Variants in KCTD19 observed in about 807,000 individuals in gnomAD.
KCTD19 encodes BTB/POZ domain-containing protein KCTD19.
A neutral mutation model predicts 103.5 loss-of-function variants in KCTD19; 67 were observed. The ratio of observed to expected loss-of-function variants is 0.65; its 90% CI spans 0.53 to 0.79. KCTD19 has a LOEUF of 0.79. Among genes scored for constraint, KCTD19 ranks in the 30% least tolerant of loss-of-function variants. The probability of loss-of-function intolerance (pLI) is 0.00; values close to 1 mark genes in which losing one functional copy is unlikely to be tolerated. For missense variants in KCTD19, 980 were observed against 1,136.1 expected, an observed-to-expected ratio of 0.86 and a Z score of 1.98; for synonymous variants, 439 against 452.2, an observed-to-expected ratio of 0.97 and a Z score of 0.37.
In KCTD19 at chr16:67,326,600, G is replaced by C; in HGVS notation, c.3+105C>G. On this transcript the variant is annotated intron_variant, in intron 1 of 15. Transcript: ENST00000304372. ...CTGGGGGCCCCTCGCTCTCTCCCATGCCCCAGAGCCAGGTCTCGAACCACT... is the reference window on the plus strand; with the variant it reads ...CTGGGGGCCCCTCGCTCTCTCCCATCCCCCAGAGCCAGGTCTCGAACCACT... 5 of 1,471,256 alleles carry C rather than the reference G, an allele frequency of 3.4e-6. No homozygotes were observed. In the East Asian group the frequency reaches 1.4e-4, roughly 41 times the overall value. The allele number at this position is 1,471,256 out of a possible 1,614,324, so 91.1% of individuals were successfully genotyped here.
At position 67,293,479 on chromosome 16, in the gene KCTD19, C is replaced by G; in HGVS notation, c.2218+65G>C. ...CTTTGTCACTAACTTGCTCTGCCAT[C>G]TTGGCCAAAGAGTTTGCCTTCTCTG... On this transcript the variant is annotated intron_variant, in intron 12 of 15. Transcript: ENST00000304372. The surrounding 1 kb of genome is among the most constrained non-coding windows in gnomAD (Gnocchi z 4.0). 6 of 1,552,688 alleles carry G rather than the reference C, an allele frequency of 3.9e-6. No individual in the cohort carries two copies. Among genetic ancestry groups the G allele is most frequent in the Non-Finnish European group, 5.2e-6 (6 of 1,144,510 alleles).
rs570644111 is a variant in KCTD19, at chr16:67,293,777, G to T, written c.1985C>A (p.Pro662His). 1.2e-6 allele frequency: 2 copies of T among 1,613,856 alleles called. No individual in the cohort carries two copies. The highest frequency in any genetic ancestry group is 1.7e-6 in the Non-Finnish European group (2 of 1,180,028). Residue 662 changes from proline (P) to histidine (H), a missense_variant, in exon 12 of 16, where the codon CCC becomes CAC. Pro to His is a moderately conservative substitution (Grantham distance 77, BLOSUM62 -2). Transcript: ENST00000304372. This position sits in a 1 kb window ranked among gnomAD's most constrained non-coding sequence, Gnocchi z 4.0. ...FQPLTATRSS[P>H]LEEATLQLPL... ...GAGCTGCAGGGTGGCCTCCTCCAAG[G>T]GGCTGCTCCGTGTGGCTGTCAGTGG...
chr16:67,294,032 C>T lies in KCTD19; in HGVS notation c.1730G>A (p.Arg577Gln), dbSNP rs769658974. The T allele has an allele frequency of 1.5e-5, 25 of 1,614,060 alleles. 1 individual carries two copies. Among genetic ancestry groups the T allele is most frequent in the Middle Eastern group, 1.6e-4 (1 of 6,084 alleles). Reference protein sequence around the residue: ...YTRPIQVSLCRNAKRAGNPST... With the variant: ...YTRPIQVSLCQNAKRAGNPST... ...AGGGTTGCCAGCCCTCTTGGCATTTCGGCATAGGGACACCTGGATGGGCCG... is the reference window on the plus strand; with the variant it reads ...AGGGTTGCCAGCCCTCTTGGCATTTTGGCATAGGGACACCTGGATGGGCCG... The change falls in exon 12 of 16, where the codon CGA (arginine) becomes CAA (glutamine). Residue 577 changes from arginine to glutamine, a missense_variant. Physicochemically the swap from Arg to Gln is conservative, Grantham distance 43 (BLOSUM62 1). Transcript: ENST00000304372.
intron 6 of KCTD19, among the ~76,000 whole-genome samples, chr16:67,297,988 CTT>C (rs369980197): frequency 5.2e-5 from 7 of 134,856 alleles, no homozygotes; most frequent in Admixed American, 7.5e-5. Context: ...GACGGGGTTT[CTT>C]TTTTTTTTTT....
At chr16:67,314,799 TTATATA>T (rs138495581) in intron 2 of KCTD19, among the ~76,000 whole-genome samples, 1,869 of 45,624 alleles carry the variant, frequency 0.041, 49 homozygotes, top group Middle Eastern at 0.075. Flanking sequence ...TCACTTAGCA[TTATATA>T]TATATATATA....
intron 14 of KCTD19, 151 bp from the exon 15 acceptor site, chr16:67,291,137 TC>T: frequency 8.5e-7 from 1 of 1,177,218 alleles, no homozygotes; most frequent in Non-Finnish European, 1.2e-6. Flanking sequence ...CGAGGCTCAG[TC>T]CAGGTGCAAC....
chr16:67,320,878 GA>G lies in KCTD19; in HGVS notation c.10del (p.Ser4LeufsTer16). On this transcript the variant is annotated frameshift_variant, in exon 2 of 16. Coordinates refer to ENST00000304372, the MANE Select transcript of KCTD19 (RefSeq NM_001100915.3). LOFTEE classifies it high-confidence loss of function. This position sits in a 1 kb window ranked among gnomAD's most constrained non-coding sequence, Gnocchi z 4.0. ...CTCTGCTGATTCATGAGCCATGCCA[GA>G]CTCCTCCTAAAGGGGGAATGAAAAA... Reference protein sequence around the residue: MEESGMAHESAEDL... With the variant: MEEXGMAHESAEDL... 1 of 1,611,230 alleles carries G rather than the reference GA, an allele frequency of 6.2e-7. No homozygotes were observed. The highest frequency in any genetic ancestry group is 8.5e-7 in the Non-Finnish European group (1 of 1,178,770).
rs1230445694 is a variant in KCTD19 at position 67,301,881 on chromosome 16, A to T, written c.685T>A (p.Phe229Ile). Residue 229 changes from phenylalanine (F) to isoleucine (I), a missense_variant, in exon 5 of 16, where the codon TTC (phenylalanine) becomes ATC (isoleucine). Transcript: ENST00000304372. ...GCTTCTAATACATCAATGTTGGAGA[A>T]ATTATCCGGTAGTAAAATCTTCTGT... ...RSQKILLPDN[F>I]SNIDVLEAEV... is the part of the protein sequence containing the mutation. 4 of 1,613,410 alleles carry T rather than the reference A, an allele frequency of 2.5e-6. No homozygotes were observed. In the East Asian group the frequency reaches 8.9e-5, roughly 36 times the overall value.
chr16:67,289,507 G>T lies in KCTD19; in HGVS notation c.*62C>A. 1 of 958,074 alleles carries T rather than the reference G, an allele frequency of 1.0e-6. No homozygotes were observed. The highest frequency in any genetic ancestry group is 1.7e-6 in the Non-Finnish European group (1 of 586,396). The allele number at this position is 958,074 out of a possible 1,614,324, so 59.3% of individuals were successfully genotyped here. A position where few individuals can be genotyped will look rare whatever the true frequency, so the allele number is the denominator to read the frequency against. ...CCTCTGATGGGCACATGCATTCTGG[G>T]CTATCTCCAATTAAAATGAGACTTG... On this transcript the variant is annotated 3_prime_UTR_variant, in exon 16 of 16. Coordinates refer to ENST00000304372, the MANE Select transcript of KCTD19 (RefSeq NM_001100915.3).
chr16:67,325,239 C>G (rs550986778), intron 1 of KCTD19, among the ~76,000 whole-genome samples: 2 of 134,754 alleles, frequency 1.5e-5, no homozygotes, highest in Admixed American at 1.5e-4. Context: ...GAGTCTCGCT[C>G]TCTAGCCCAG....
At chr16:67,318,261 C>A (rs1447590219) in intron 2 of KCTD19, among the ~76,000 whole-genome samples, 1 of 152,114 alleles carries the variant, frequency 6.6e-6, no homozygotes, top group Non-Finnish European at 1.5e-5. Context: ...GAGCAGCCCC[C>A]CATTTAGAAG....
chr16:67,291,756 G>T lies in KCTD19; in HGVS notation c.2300C>A (p.Pro767His), dbSNP rs754061988. The T allele has an allele frequency of 6.2e-7, 1 of 1,614,122 alleles. No homozygotes were observed. The highest frequency in any genetic ancestry group is 1.1e-5 in the South Asian group (1 of 91,082). Residue 767 changes from proline (P) to histidine (H), a missense_variant, in exon 13 of 16, where the codon CCC becomes CAC. Pro to His is a moderately conservative substitution (Grantham distance 77, BLOSUM62 -2). Coordinates refer to ENST00000304372, the MANE Select transcript of KCTD19 (RefSeq NM_001100915.3). ...LGVILKVTHP[P>H]VVGSDGFCMF... ...GCAGAAGCCATCGCTGCCCACCACG[G>T]GGGGGTGAGTCACTTTGAGGATAAC...
rs187248873 is a variant in KCTD19, at chr16:67,296,637, T to C, written c.1148-378A>G. Among the ~76,000 whole-genome samples the C allele has an allele frequency of 3.9e-5, 6 of 152,326 alleles. No individual in the cohort carries two copies. The East Asian group carries it at 1.2e-3, about 29-fold the overall frequency. The stretch of plus-strand genomic sequence containing the variant: ...TCTCTCTGTGTGTTTATGTTCGTGG[T>C]TTGGCAAATGTCATGGAGCCAACTC... On this transcript the variant is annotated intron_variant, in intron 7 of 15. Transcript: ENST00000304372.
At chr16:67,302,028 C>G in intron 4 of KCTD19, 106 bp from the exon 5 acceptor site, 1 of 1,039,868 alleles carries the variant, frequency 9.6e-7, no homozygotes, top group Non-Finnish European at 1.5e-6. Flanking sequence ...CCTAGGTTCT[C>G]CTTGTTCTGA....
chr16:67,296,140 CA>C lies in KCTD19; in HGVS notation c.1248+18del. ...TGGTGATGCCAGATGGGGAGCAGGG[CA>C]GCCGAGGCCGTCAGTACCTTCAGCA... On this transcript the variant is annotated intron_variant, in intron 8 of 15. Coordinates refer to ENST00000304372, the MANE Select transcript of KCTD19 (RefSeq NM_001100915.3). The C allele has an allele frequency of 6.7e-7, 1 of 1,486,276 alleles. No individual in the cohort carries two copies. Among genetic ancestry groups the C allele is most frequent in the Non-Finnish European group, 9.4e-7 (1 of 1,063,408 alleles). The allele number at this position is 1,486,276 out of a possible 1,614,324, so 92.1% of individuals were successfully genotyped here. A position where few individuals can be genotyped will look rare whatever the true frequency, so the allele number is the denominator to read the frequency against.
Position 67,294,656 on chromosome 16 carries a change from G to A in KCTD19, c.1514C>T (p.Ala505Val), listed in dbSNP as rs2036743798. The A allele has an allele frequency of 6.2e-7, 1 of 1,613,996 alleles. No individual in the cohort carries two copies. ...TQEKESENEE[A>V]FSIRRLHVVT... ...CACATGCAGCCTCCTGATGGAAAAA[G>A]CTTCTTCATTTTCAGATTCTTTCTC... Residue 505 changes from alanine to valine, a missense_variant, in exon 11 of 16, where the codon GCT (alanine) becomes GTT (valine). By Grantham distance (64) the Ala-to-Val change is moderately conservative (BLOSUM62 0). Coordinates refer to ENST00000304372, the MANE Select transcript of KCTD19 (RefSeq NM_001100915.3).
chr16:67,321,286 T>C (rs2037070361), intron 1 of KCTD19, among the ~76,000 whole-genome samples: 2 of 152,172 alleles, frequency 1.3e-5, no homozygotes, highest in Admixed American at 1.3e-4. Flanking sequence ...ATGAACAATC[T>C]GAAAGTGAAA....
chr16:67,290,924 A>G lies in KCTD19; in HGVS notation c.2628T>C (p.Asp876=), dbSNP rs8053912. ...VDLLAITGFK[D]DRHTQERLYS... ...ACAGGCGCTCCTGGGTGTGCCGGTC[A>G]TCCTTGAAGCCGGTGATGGCCAGCA... The change falls in exon 15 of 16, where the codon GAT becomes GAC. Residue 876 remains aspartate, a synonymous_variant. Transcript: ENST00000304372. The G allele has an allele frequency of 0.11, 169,870 of 1,613,794 alleles. 19,585 individuals carry two copies. Among genetic ancestry groups the G allele is most frequent in the African/African-American group, 0.6 (44,637 of 74,946 alleles).
At chr16:67,294,535 A>C (rs931431558) in intron 11 of KCTD19, 45 bp downstream of exon 11, 3 of 1,326,126 alleles carry the variant, frequency 2.3e-6, no homozygotes, top group Admixed American at 3.4e-5. Context: ...GCCCGGTGGT[A>C]GTGGTTTTTG....
Sources: gnomAD v4.1 joint callset for allele counts (sites outside exome capture counted in the v4.1 genomes callset) on GRCh38, gnomAD v4.1.1 for gene constraint, Gnocchi (gnomAD v3.1) non-coding constraint, MANE v1.5 for transcripts, NCBI Gene and HGNC (gene_info 2026-07-23, HGNC 2026-07-21) for gene names.